The following TNNT2 variants were observed in gnomAD, a reference collection of about 807,000 sequenced individuals.
The protein encoded by TNNT2 is troponin T2, cardiac type.
TNNT2 carries 34 observed loss-of-function variants against 62.4 expected under a neutral mutation model. The observed-to-expected ratio is 0.54, with a 90% confidence interval of 0.41 to 0.72. The LOEUF is 0.72. Ranked by LOEUF, TNNT2 falls within the 30% of genes least tolerant of loss-of-function variation. TNNT2 has a pLI of 0.00. For synonymous variants in TNNT2, 123 were observed against 127.2 expected (o/e 0.97, Z 0.22); for missense variants, 275 against 381.9 (o/e 0.72, Z 2.33).
At chr1:201,362,455 A>G in intron 12 of TNNT2, 61 bp from the exon 13 acceptor site, 6 of 1,590,048 alleles carry the variant, frequency 3.8e-6, no homozygotes, top group Non-Finnish European at 5.2e-6. Flanking sequence ...CAACAGAGAC[A>G]CAGAGAGAAG....
At chr1:201,373,389 T>C in intron 1 of TNNT2, 121 bp from the exon 2 acceptor site, 1 of 855,084 alleles carries the variant, frequency 1.2e-6, no homozygotes, top group South Asian at 1.4e-5. Flanking sequence ...CCACCCCTCA[T>C]GAGCTGTGTG....
At chr1:201,363,080 C>T (rs1382180443) in intron 12 of TNNT2, 13 of 984,362 alleles carry the variant, frequency 1.3e-5, no homozygotes, top group Non-Finnish European at 1.6e-5. Context: ...CAGGCTCTGC[C>T]TGTAGCCCCC....
At chr1:201,367,668 G>A in intron 7 of TNNT2, 103 bp downstream of exon 7, 1 of 1,309,184 alleles carries the variant, frequency 7.6e-7, no homozygotes, top group Non-Finnish European at 1.1e-6. Flanking sequence ...AACCCTCTCA[G>A]TGCACATCCA....
intron 4 of TNNT2, among the ~76,000 whole-genome samples, chr1:201,371,312 G>A (rs756816286): frequency 9.9e-5 from 15 of 152,230 alleles, no homozygotes; most frequent in Admixed American, 9.2e-4. Context: ...TCAGGGAGAT[G>A]TGGGACCCAC....
At chr1:201,373,184 C>T in intron 2 of TNNT2, 30 bp downstream of exon 2, 1 of 1,612,822 alleles carries the variant, frequency 6.2e-7, no homozygotes, top group Non-Finnish European at 8.5e-7. Context: ...GGAGAGGACC[C>T]CACTCAGGCA....
chr1:201,377,422 CTCTT>C (rs1462582472), intron 1 of TNNT2, among the ~76,000 whole-genome samples, 197 bp downstream of exon 1: 1 of 152,156 alleles, frequency 6.6e-6, no homozygotes, highest in African/African-American at 2.4e-5. Context: ...ATGGGATTCT[CTCTT>C]TCTCTCTGCT....
Position 201,369,806 on chromosome 1 carries a change from G to A in TNNT2, c.97+10C>T, listed in dbSNP as rs1360347162. 1.9e-6 allele frequency: 3 copies of A among 1,614,188 alleles called. No individual in the cohort carries two copies. Among genetic ancestry groups the A allele is most frequent in the East Asian group, 2.2e-5 (1 of 44,886 alleles). ...AGCAGAAAGCACCACAGAAGGAAAG[G>A]CTGTACTACCGTCTTCGTCCTCTCT... is the stretch of plus-strand genomic sequence containing the variant. On this transcript the variant is annotated intron_variant, in intron 5 of 16. Coordinates refer to ENST00000656932, the MANE Select transcript of TNNT2 (RefSeq NM_001276345.2).
In TNNT2 at chr1:201,359,220, C is replaced by T. The variant is rs141121678; in HGVS notation, c.887G>A (p.Arg296His). 46 of 1,610,148 alleles carry T rather than the reference C, an allele frequency of 2.9e-5. No homozygotes were observed. In the East Asian group the frequency reaches 4.2e-4, roughly 15 times the overall value. Residue 296 changes from arginine (R) to histidine (H), a missense_variant, in exon 17 of 17, where the codon CGC becomes CAC. By Grantham distance (29) the Arg-to-His change is conservative. Coordinates refer to ENST00000656932, the MANE Select transcript of TNNT2 (RefSeq NM_001276345.2). ...KTRGKAKVTG[R>H]WK ...GAAGGAGGCCAGGCTCTATTTCCAG[C>T]GCCCGGTGACTTTAGCCTTCCCGCG...
intron 7 of TNNT2, 47 bp downstream of exon 7, chr1:201,367,724 T>C: frequency 1.9e-6 from 3 of 1,604,546 alleles, no homozygotes; most frequent in Non-Finnish European, 2.6e-6. Flanking sequence ...AAAGCTGCTG[T>C]GAGGGGTTCC....
chr1:201,368,059 C>T lies in TNNT2; in HGVS notation c.163+103G>A, dbSNP rs561266686. On this transcript the variant is annotated intron_variant, in intron 6 of 16. Coordinates refer to ENST00000656932, the MANE Select transcript of TNNT2 (RefSeq NM_001276345.2). ...TCTTAGTCAATAGGAGAGTCAGGTG[C>T]ACATGGGAAAGCCTGTTCTGGGGGG... 4 of 1,211,264 alleles carry T rather than the reference C, an allele frequency of 3.3e-6. No individual in the cohort carries two copies. The South Asian group carries it at 4.8e-5, about 15-fold the overall frequency. 75.0% of individuals were successfully genotyped at this position (1,211,264 alleles called of 1,614,324 possible).
At chr1:201,371,944 T>A (rs570476961) in intron 4 of TNNT2, 83 bp downstream of exon 4, 3 of 1,557,370 alleles carry the variant, frequency 1.9e-6, no homozygotes, top group Admixed American at 3.4e-5. Context: ...CAGGGACAGA[T>A]GAGCTGCTTT....
chr1:201,360,091 C>A (rs942317871), intron 15 of TNNT2, among the ~76,000 whole-genome samples: 5 of 152,194 alleles, frequency 3.3e-5, no homozygotes, highest in Admixed American at 2.6e-4. Flanking sequence ...ACCACCCCTG[C>A]AGGGTGCTGC....
At chr1:201,375,807 C>T (rs1463175472) in intron 1 of TNNT2, among the ~76,000 whole-genome samples, 2 of 152,256 alleles carry the variant, frequency 1.3e-5, no homozygotes, top group Non-Finnish European at 2.9e-5. Context: ...TCTCTCTCCT[C>T]TCCTACTCTG....
Position 201,364,324 on chromosome 1 carries a change from C to T in TNNT2, c.463G>A (p.Glu155Lys), listed in dbSNP as rs984218824. The T allele has an allele frequency of 3.1e-6, 5 of 1,613,264 alleles. No individual in the cohort carries two copies. The highest frequency in any genetic ancestry group is 1.1e-5 in the South Asian group (1 of 90,996). ...GCCAGGCGGTTCTGCCGCTCCTTCT[C>T]CCGCTCATTCCGGATGCGCTGCTGC... ...AEQQRIRNER[E>K]KERQNRLAEE... Residue 155 changes from glutamate (E) to lysine (K), a missense_variant, in exon 11 of 17, where the codon GAG becomes AAG. By Grantham distance (56) the Glu-to-Lys change is moderately conservative (BLOSUM62 1). Coordinates refer to ENST00000656932, the MANE Select transcript of TNNT2 (RefSeq NM_001276345.2).
chr1:201,371,369 A>G (rs145440270), intron 4 of TNNT2, among the ~76,000 whole-genome samples: 1 of 152,330 alleles, frequency 6.6e-6, no homozygotes, highest in Non-Finnish European at 1.5e-5. Context: ...GAGCAGCAAG[A>G]GGGGCCTCTG....
rs771924295 is a variant in TNNT2 at position 201,363,281 on chromosome 1, C to T, written c.600+15G>A. 6 of 1,613,908 alleles carry T rather than the reference C, an allele frequency of 3.7e-6. No individual in the cohort carries two copies. The South Asian group carries it at 6.6e-5, about 18-fold the overall frequency. Reference sequence around the variant, plus strand: ...TACTAGGATCTCCTGGCAACCCCTGCTGCTCCCTACCTACCTTCTGGATGT... The same window carrying T: ...TACTAGGATCTCCTGGCAACCCCTGTTGCTCCCTACCTACCTTCTGGATGT... On this transcript the variant is annotated intron_variant, in intron 12 of 16. Coordinates refer to ENST00000656932, the MANE Select transcript of TNNT2 (RefSeq NM_001276345.2).
intron 4 of TNNT2, among the ~76,000 whole-genome samples, chr1:201,370,787 G>A (rs192209494): frequency 2.6e-4 from 39 of 152,330 alleles, no homozygotes; most frequent in Non-Finnish European, 3.7e-4. Flanking sequence ...AGAGATCTAT[G>A]TCTCAAACTC....
chr1:201,375,798 C>T (rs1661316619), intron 1 of TNNT2, among the ~76,000 whole-genome samples: 1 of 152,254 alleles, frequency 6.6e-6, no homozygotes, highest in Non-Finnish European at 1.5e-5. Flanking sequence ...TTCTAGCTTT[C>T]TCTCTCCTCT....
Position 201,372,125 on chromosome 1 carries a change from G to C in TNNT2, c.52+20C>G, listed in dbSNP as rs540586778. The C allele has an allele frequency of 1.2e-6, 2 of 1,614,158 alleles. No individual in the cohort carries two copies. Among genetic ancestry groups the C allele is most frequent in the South Asian group, 2.2e-5 (2 of 91,082 alleles). On this transcript the variant is annotated intron_variant, in intron 3 of 16. Transcript: ENST00000656932. Reference sequence around the variant, plus strand: ...ACCAGGCTGTCTTTGATCCAAATGAGTACACACGTTTACGCTTACCTTCCT... The same window carrying C: ...ACCAGGCTGTCTTTGATCCAAATGACTACACACGTTTACGCTTACCTTCCT...
Sources: allele counts gnomAD v4.1 joint callset (sites outside exome capture counted in the v4.1 genomes callset), GRCh38; gene constraint gnomAD v4.1.1; transcripts MANE v1.5; gene names NCBI Gene and HGNC (gene_info 2026-07-23, HGNC 2026-07-21).